Variants in AGO3 observed in about 807,000 individuals in gnomAD.
The protein encoded by AGO3 is argonaute RISC catalytic component 3, also known as protein argonaute-3.
A neutral mutation model predicts 105.5 loss-of-function variants in AGO3; 16 were observed. The ratio of observed to expected loss-of-function variants is 0.15; its 90% CI spans 0.10 to 0.23. AGO3 has a LOEUF of 0.23. Among genes scored for constraint, AGO3 ranks in the 10% least tolerant of loss-of-function variants. AGO3 has a pLI of 1.00. For synonymous variants in AGO3, 340 were observed against 367.3 expected (o/e 0.93, Z 0.85); for missense variants, 534 against 1,088.0 (o/e 0.49, Z 7.16).
chr1:36,048,858 A>T (rs1484515520), intron 17 of AGO3, among the ~76,000 whole-genome samples: 12 of 152,072 alleles, frequency 7.9e-5, no homozygotes, highest in Admixed American at 7.9e-4. Flanking sequence ...CAAGGCATGC[A>T]TCACCACACC....
At chr1:35,950,549 G>A (rs1054143166) in intron 2 of AGO3, among the ~76,000 whole-genome samples, 2 of 151,988 alleles carry the variant, frequency 1.3e-5, no homozygotes, top group Admixed American at 1.3e-4. Flanking sequence ...TTTTGTGTTG[G>A]GGGGCCAAGT....
intron 2 of AGO3, among the ~76,000 whole-genome samples, chr1:35,949,166 T>C (rs1646424035): frequency 6.6e-6 from 1 of 152,106 alleles, no homozygotes; most frequent in Non-Finnish European, 1.5e-5. Flanking sequence ...TGGTCTCGAA[T>C]TCCCAACCTC....
Position 36,070,068 on chromosome 1 carries a change from AAATAAT to A in AGO3, c.*14332_*14337del, listed in dbSNP as rs1259013052. The A allele has an allele frequency of 2.0e-5, 3 of 151,782 alleles. No individual in the cohort carries two copies. The highest frequency in any genetic ancestry group is 4.8e-5 in the African/African-American group (2 of 41,300). The allele number at this position is 151,782 out of a possible 1,614,324, so 9.4% of individuals were successfully genotyped here. On this transcript the variant is annotated 3_prime_UTR_variant, in exon 19 of 19. Transcript: ENST00000373191. ...CGAAGCTCTGTCTCAATAAAAAAAA[AAATAAT>A]AATAATAAAATACAAATACTTAGAA...
At chr1:36,046,687 G>A (rs912855320) in intron 17 of AGO3, among the ~76,000 whole-genome samples, 23 of 125,452 alleles carry the variant, frequency 1.8e-4, no homozygotes, top group East Asian at 7.8e-4. Context: ...CTAAATTGAA[G>A]GAGTACATTG....
At chr1:36,000,496 A>G (rs1022609227) in intron 5 of AGO3, among the ~76,000 whole-genome samples, 25 of 152,318 alleles carry the variant, frequency 1.6e-4, no homozygotes, top group African/African-American at 5.3e-4. Context: ...AGTTACAAGT[A>G]ATTACAACTT....
intron 5 of AGO3, among the ~76,000 whole-genome samples, chr1:36,000,230 A>G (rs1266236062): frequency 6.6e-6 from 1 of 152,204 alleles, no homozygotes; most frequent in Admixed American, 6.5e-5. Context: ...TTTATTAAAT[A>G]TTAAGAATTC....
chr1:36,018,599 A>AT (rs1213912621), intron 11 of AGO3, among the ~76,000 whole-genome samples: 5 of 151,572 alleles, frequency 3.3e-5, no homozygotes, highest in East Asian at 2.0e-4. Context: ...TGCCTGGCTA[A>AT]TTTTTTGTAT....
In AGO3 at chr1:36,062,330, A is replaced by G. The variant is rs946967149; in HGVS notation, c.*6585A>G. 1.3e-5 allele frequency: 2 copies of G among 151,854 alleles called. No individual in the cohort carries two copies. Among genetic ancestry groups the G allele is most frequent in the Non-Finnish European group, 2.9e-5 (2 of 67,932 alleles). The allele number at this position is 151,854 out of a possible 1,614,324, so 9.4% of individuals were successfully genotyped here. ...GGCATGCACCACCACACCCGGCCCTAATTAGTCATTATTAAGGAGGACTGC... is the reference window on the plus strand; with the variant it reads ...GGCATGCACCACCACACCCGGCCCTGATTAGTCATTATTAAGGAGGACTGC... On this transcript the variant is annotated 3_prime_UTR_variant, in exon 19 of 19. Coordinates refer to ENST00000373191, the MANE Select transcript of AGO3 (RefSeq NM_024852.4).
chr1:36,017,177 T>C (rs993901643), intron 11 of AGO3, among the ~76,000 whole-genome samples: 10 of 152,180 alleles, frequency 6.6e-5, no homozygotes, highest in African/African-American at 2.4e-4. Flanking sequence ...TTTGAGAGAA[T>C]ATAGTATCCC....
Position 35,972,069 on chromosome 1 carries a change from C to T in AGO3, c.358C>T (p.Pro120Ser), listed in dbSNP as rs1161425838. The T allele has an allele frequency of 6.2e-7, 1 of 1,614,046 alleles. No homozygotes were observed. The highest frequency in any genetic ancestry group is 1.1e-5 in the South Asian group (1 of 91,072). ...TLPGEGGKDRPFKVSIKFVSR... is the reference protein window; with the variant it reads ...TLPGEGGKDRSFKVSIKFVSR... ...ACCTGGGGAAGGTGGAAAAGATCGA[C>T]CTTTCAAGGTGTCAATCAAATTTGT... The change falls in exon 4 of 19, where the codon CCT becomes TCT. Residue 120 changes from proline to serine, a missense_variant. By Grantham distance (74) the Pro-to-Ser change is moderately conservative. Around this residue, in one of 2 missense-constraint regions of AGO3, gnomAD observed 161 missense variants for 234.0 expected, o/e 0.69. Transcript: ENST00000373191.
intron 17 of AGO3, among the ~76,000 whole-genome samples, chr1:36,051,762 T>C (rs577517431): frequency 1.3e-5 from 2 of 151,996 alleles, no homozygotes; most frequent in Non-Finnish European, 2.9e-5. Flanking sequence ...AAAATAATAA[T>C]AATAATTTGA....
At chr1:35,937,980 C>CTTT (rs1252491042) in intron 1 of AGO3, among the ~76,000 whole-genome samples, 1 of 133,232 alleles carries the variant, frequency 7.5e-6, no homozygotes, top group Non-Finnish European at 1.6e-5. Context: ...AAAATGTATT[C>CTTT]TTTTTTTTTT....
chr1:35,972,285 T>C, intron 4 of AGO3, 53 bp downstream of exon 4: 1 of 1,564,654 alleles, frequency 6.4e-7, no homozygotes, highest in South Asian at 1.1e-5. Context: ...AAGAATGAAT[T>C]GTGCAGGCTT....
chr1:35,982,805 G>A (rs1647077488), intron 5 of AGO3: 1 of 587,264 alleles, frequency 1.7e-6, no homozygotes, highest in Admixed American at 3.2e-5. Flanking sequence ...AAAAAACTTT[G>A]GGTGTAGTAC....
chr1:35,953,040 A>T (rs1184653729), intron 2 of AGO3, among the ~76,000 whole-genome samples: 2 of 152,222 alleles, frequency 1.3e-5, no homozygotes, highest in Non-Finnish European at 2.9e-5. Context: ...TTGTGTGGAC[A>T]TACATTTTCA....
At chr1:35,949,410 A>C (rs1432506486) in intron 2 of AGO3, among the ~76,000 whole-genome samples, 1 of 152,178 alleles carries the variant, frequency 6.6e-6, no homozygotes, top group Non-Finnish European at 1.5e-5. Context: ...GTATTACTGC[A>C]TGACTAGTCA....
chr1:35,968,239 G>A lies in AGO3; in HGVS notation c.312+1164G>A, dbSNP rs892028986. Among the ~76,000 whole-genome samples the A allele has an allele frequency of 3.9e-5, 6 of 152,214 alleles. No individual in the cohort carries two copies. The East Asian group carries it at 1.2e-3, about 29-fold the overall frequency. On this transcript the variant is annotated intron_variant, in intron 3 of 18. Transcript: ENST00000373191. The stretch of plus-strand genomic sequence containing the variant: ...TTCTTTTCCTCCTTGTAGTTAATAA[G>A]CATCTTGTAGGGAGATTCTTTTTGT...
rs571808466 is a variant in AGO3, at chr1:36,029,960, TG to T, written c.1591+2665del. 6.7e-3 allele frequency among the ~76,000 whole-genome samples: 1,017 copies of T among 152,226 alleles called. 8 individuals are homozygous for T. The highest frequency in any genetic ancestry group is 0.023 in the African/African-American group (965 of 41,548). On this transcript the variant is annotated intron_variant, in intron 12 of 18. Coordinates refer to ENST00000373191, the MANE Select transcript of AGO3 (RefSeq NM_024852.4). ...TGCCCACCCCAGCCTCCCAAAGTGCTGGGATTACAGGCATGAGCCACTGCGC... is the reference window on the plus strand; with the variant it reads ...TGCCCACCCCAGCCTCCCAAAGTGCTGGATTACAGGCATGAGCCACTGCGC...
At chr1:36,043,662 C>T in intron 17 of AGO3, 114 bp downstream of exon 17, 1 of 885,578 alleles carries the variant, frequency 1.1e-6, no homozygotes, top group Non-Finnish European at 1.7e-6. Flanking sequence ...AAATTGTTTC[C>T]ACATGAAATT....
Sources: gnomAD v4.1 joint callset for allele counts (sites outside exome capture counted in the v4.1 genomes callset) on GRCh38, gnomAD v4.1.1 for gene constraint, gnomAD v4.1.1 regional missense constraint, MANE v1.5 for transcripts, NCBI Gene and HGNC (gene_info 2026-07-23, HGNC 2026-07-21) for gene names.